Variants in KIZ observed in about 807,000 individuals in gnomAD.
The protein encoded by KIZ is kizuna centrosomal protein, also known as centrosomal protein kizuna.
Under a neutral mutation model 79.6 loss-of-function variants are expected in KIZ, and 68 were observed. The ratio of observed to expected loss-of-function variants is 0.85; its 90% confidence interval spans 0.70 to 1.05. The LOEUF (loss-of-function observed/expected upper bound fraction) is 1.05. Ranked by LOEUF, KIZ falls within the 50% of genes least tolerant of loss-of-function variation. The pLI is 0.00. For missense variants in KIZ, 797 were observed against 800.4 expected (o/e 1.00, Z 0.05); for synonymous variants, 280 against 281.8 (o/e 0.99, Z 0.06).
Position 21,215,599 on chromosome 20 carries a change from T to TG in KIZ, c.1631dup (p.Asp545ArgfsTer31). ...AATTTTTAGAAGTTTCAAGTGGCTGTGGAGACAAGAGCAAGAAAGAAAATG... is the reference window on the plus strand; with the variant it reads ...AATTTTTAGAAGTTTCAAGTGGCTGTGGGAGACAAGAGCAAGAAAGAAAATG... On this transcript the variant is annotated frameshift_variant, in exon 9 of 13. Transcript: ENST00000619189. LOFTEE classifies it high-confidence loss of function. The TG allele has an allele frequency of 6.2e-7, 1 of 1,603,106 alleles. No individual in the cohort carries two copies. The highest frequency in any genetic ancestry group is 8.5e-7 in the Non-Finnish European group (1 of 1,172,074).
intron 6 of KIZ, among the ~76,000 whole-genome samples, chr20:21,189,620 A>G (rs2035029618): frequency 1.3e-5 from 2 of 152,192 alleles, no homozygotes; most frequent in Admixed American, 1.3e-4. Context: ...CAGAGGCCAA[A>G]GTGGGGAAAA....
chr20:21,133,674 A>G (rs1483272093), intron 2 of KIZ, among the ~76,000 whole-genome samples: 3 of 152,244 alleles, frequency 2.0e-5, no homozygotes, highest in Non-Finnish European at 2.9e-5. Flanking sequence ...GGCTGCCTCC[A>G]CCTAGTACCT....
intron 9 of KIZ, among the ~76,000 whole-genome samples, chr20:21,227,704 T>C (rs1259844586): frequency 1.3e-5 from 2 of 152,134 alleles, no homozygotes; most frequent in African/African-American, 2.4e-5. Flanking sequence ...CACCATCCCA[T>C]TGGAGCCATC....
chr20:21,216,976 A>G (rs188139884), intron 9 of KIZ, among the ~76,000 whole-genome samples: 12 of 152,310 alleles, frequency 7.9e-5, no homozygotes, highest in Admixed American at 2.0e-4. Context: ...CAGGGTTTCA[A>G]ATCCCTTCTC....
At chr20:21,204,357 C>T (rs375066440) in intron 6 of KIZ, among the ~76,000 whole-genome samples, 4 of 151,798 alleles carry the variant, frequency 2.6e-5, no homozygotes, top group Non-Finnish European at 4.4e-5. Flanking sequence ...CCTCGTGATC[C>T]GCCCGCCTCG....
intron 4 of KIZ, among the ~76,000 whole-genome samples, chr20:21,157,039 A>G (rs2122625991): frequency 6.6e-6 from 1 of 152,296 alleles, no homozygotes; most frequent in African/African-American, 2.4e-5. Flanking sequence ...CAGGAGGGTC[A>G]CTTGAGTCCA....
At chr20:21,236,996 TAAAAAAAA>T (rs112003553) in intron 11 of KIZ, among the ~76,000 whole-genome samples, 3 of 130,086 alleles carry the variant, frequency 2.3e-5, no homozygotes, top group Non-Finnish European at 3.3e-5. Context: ...AGACTCTGTT[TAAAAAAAA>T]AAAAAAAAAA....
chr20:21,171,961 T>C (rs1391611765), intron 6 of KIZ, among the ~76,000 whole-genome samples: 3 of 152,206 alleles, frequency 2.0e-5, no homozygotes, highest in Admixed American at 1.3e-4. Flanking sequence ...GCTGGACATA[T>C]AGGTGAAGCC....
chr20:21,245,483 C>T (rs1002151832), intron 12 of KIZ: 2 of 152,268 alleles, frequency 1.3e-5, no homozygotes, highest in Non-Finnish European at 2.9e-5. Flanking sequence ...TAATACTTAC[C>T]TTGCCAGGCT....
chr20:21,188,186 T>C (rs1297136969), intron 6 of KIZ, among the ~76,000 whole-genome samples: 1 of 152,232 alleles, frequency 6.6e-6, no homozygotes, highest in Non-Finnish European at 1.5e-5. Flanking sequence ...AAAGAAATTC[T>C]CTAACCTACC....
intron 4 of KIZ, 116 bp from the exon 5 acceptor site, chr20:21,161,755 G>A (rs748372427): frequency 1.5e-6 from 1 of 665,646 alleles, no homozygotes; most frequent in Non-Finnish European, 2.6e-6. Flanking sequence ...CATGGTAGGT[G>A]CTGATTTCAA....
At position 21,142,644 on chromosome 20, in the gene KIZ, T is replaced by A. The variant is rs1048915617; in HGVS notation, c.316-2921T>A. ...TGTCTCTACAAAAAAATAGAAAAAATTAGCTGGATGTGGTGGCATGTGCTC... is the reference window on the plus strand; with the variant it reads ...TGTCTCTACAAAAAAATAGAAAAAAATAGCTGGATGTGGTGGCATGTGCTC... On this transcript the variant is annotated intron_variant, in intron 3 of 12. Coordinates refer to ENST00000619189, the MANE Select transcript of KIZ (RefSeq NM_018474.6). Among the ~76,000 whole-genome samples the A allele has an allele frequency of 1.3e-5, 2 of 151,890 alleles. 1 individual carries two copies. Among genetic ancestry groups the A allele is most frequent in the South Asian group, 4.2e-4 (2 of 4,816 alleles).
intron 6 of KIZ, among the ~76,000 whole-genome samples, chr20:21,187,069 T>C (rs1278406435): frequency 1.3e-5 from 2 of 152,080 alleles, no homozygotes; most frequent in Non-Finnish European, 2.9e-5. Flanking sequence ...TATTGGAGCA[T>C]TTCAGATTTG....
intron 1 of KIZ, among the ~76,000 whole-genome samples, chr20:21,129,216 A>G (rs556708261): frequency 1.2e-3 from 184 of 152,284 alleles, no homozygotes; most frequent in African/African-American, 4.3e-3. Flanking sequence ...AGTTAACAAG[A>G]TTACCACCGT....
At chr20:21,132,278 G>A (rs2031900057) in intron 2 of KIZ, 119 bp downstream of exon 2, 1 of 583,226 alleles carries the variant, frequency 1.7e-6, no homozygotes. Flanking sequence ...GTTTTGTTTT[G>A]TTTAGTTTTT....
intron 11 of KIZ, among the ~76,000 whole-genome samples, chr20:21,234,966 T>C (rs542075472): frequency 1.3e-4 from 20 of 152,242 alleles, no homozygotes; most frequent in African/African-American, 4.1e-4. Context: ...GGTTTGCAGT[T>C]GTTTACATGA....
intron 3 of KIZ, among the ~76,000 whole-genome samples, chr20:21,142,798 TAAATA>T (rs745907521): frequency 4.6e-5 from 7 of 151,408 alleles, no homozygotes; most frequent in Non-Finnish European, 1.0e-4. Context: ...CTCAAATAAA[TAAATA>T]AATAAATAAA....
intron 6 of KIZ, among the ~76,000 whole-genome samples, chr20:21,203,315 T>C (rs1005602923): frequency 3.3e-5 from 5 of 152,214 alleles, no homozygotes. Flanking sequence ...TCCTCTTTAC[T>C]CTTTATTACC....
Position 21,130,821 on chromosome 20 carries a change from T to C in KIZ, c.90-1276T>C, listed in dbSNP as rs1052760528. On this transcript the variant is annotated intron_variant, in intron 1 of 12. Transcript: ENST00000619189. Reference sequence around the variant, plus strand: ...CTGTAATGTAGCTAACAGTGACTTTTGGGATGATCTTTTTTTTAAAGGAAA... The same window carrying C: ...CTGTAATGTAGCTAACAGTGACTTTCGGGATGATCTTTTTTTTAAAGGAAA... Among the ~76,000 whole-genome samples the C allele has an allele frequency of 7.9e-5, 12 of 152,330 alleles. No individual in the cohort carries two copies. The East Asian group carries it at 2.1e-3, about 27-fold the overall frequency.
Sources: gnomAD v4.1 joint callset for allele counts (sites outside exome capture counted in the v4.1 genomes callset) on GRCh38, gnomAD v4.1.1 for gene constraint, MANE v1.5 for transcripts, NCBI Gene and HGNC (gene_info 2026-07-23, HGNC 2026-07-21) for gene names.